DEPTOR: variants seen among roughly 807,000 people sequenced by gnomAD.
The protein encoded by DEPTOR is DEP domain-containing mTOR-interacting protein.
In DEPTOR, 41 loss-of-function variants were observed where a neutral mutation model predicts 41.6. The observed-to-expected ratio is 0.98, with a 90% CI of 0.77 to 1.28. The LOEUF is 1.28. DEPTOR is among the 50% of genes most tolerant of loss of function. DEPTOR has a pLI of 0.00. For synonymous variants in DEPTOR, 195 were observed against 192.3 expected, an observed-to-expected ratio of 1.01 and a Z score of -0.12; for missense variants, 514 against 527.9, an observed-to-expected ratio of 0.97 and a Z score of 0.26.
rs576760075 is a variant in DEPTOR, at chr8:119,999,393, A to G, written c.605-2132A>G. Among the ~76,000 whole-genome samples, 7 of 152,360 alleles carry G rather than the reference A, an allele frequency of 4.6e-5. No individual in the cohort carries two copies. The South Asian group carries it at 1.5e-3, about 32-fold the overall frequency. ...TAAGGTCATGCTGGGTTTATAGGACATGCTGTATGAGGGCTAGCTCTTGTT... is the reference window on the plus strand; with the variant it reads ...TAAGGTCATGCTGGGTTTATAGGACGTGCTGTATGAGGGCTAGCTCTTGTT... On this transcript the variant is annotated intron_variant, in intron 4 of 8. Coordinates refer to ENST00000286234, the MANE Select transcript of DEPTOR (RefSeq NM_022783.4).
Position 119,949,053 on chromosome 8 carries a change from T to A in DEPTOR, c.426-16179T>A, listed in dbSNP as rs527568342. Among the ~76,000 whole-genome samples the A allele has an allele frequency of 2.6e-5, 4 of 152,384 alleles. No homozygotes were observed. The South Asian group carries it at 8.3e-4, about 32-fold the overall frequency. On this transcript the variant is annotated intron_variant, in intron 3 of 8. Coordinates refer to ENST00000286234, the MANE Select transcript of DEPTOR (RefSeq NM_022783.4). ...CACCCGCCTTGGCCTCCCAAAGTGCTGGGATTACAGGCATGAGCCACCATG... is the reference window on the plus strand; with the variant it reads ...CACCCGCCTTGGCCTCCCAAAGTGCAGGGATTACAGGCATGAGCCACCATG...
In DEPTOR at chr8:119,929,885, C is replaced by A; in HGVS notation, c.372C>A (p.Phe124Leu). Reference protein sequence around the residue: ...FYRFRKDDGTFPLDNEVKAFM... With the variant: ...FYRFRKDDGTLPLDNEVKAFM... The stretch of plus-strand genomic sequence containing the variant: ...GCTTTAGAAAGGATGACGGCACCTT[C>A]CCATTGGATAATGAAGTGAAGGCCT... The change falls in exon 3 of 9, where the codon TTC becomes TTA. Residue 124 changes from phenylalanine (F) to leucine (L), a missense_variant. Transcript: ENST00000286234. 1 of 1,613,880 alleles carries A rather than the reference C, an allele frequency of 6.2e-7. No homozygotes were observed.
intron 8 of DEPTOR, among the ~76,000 whole-genome samples, chr8:120,039,384 G>A (rs1813024769): frequency 6.6e-6 from 1 of 152,158 alleles, no homozygotes; most frequent in Non-Finnish European, 1.5e-5. Context: ...AGACATGGAT[G>A]GACCCAATGG....
At chr8:119,894,018 T>TCTTTATTTTTTACTATTTTA (rs1827483198) in intron 1 of DEPTOR, among the ~76,000 whole-genome samples, 1 of 152,174 alleles carries the variant, frequency 6.6e-6, no homozygotes, top group Non-Finnish European at 1.5e-5. Flanking sequence ...ATCATTGCAA[T>TCTTTATTTTTTACTATTTTA]CTTTATTAAC....
intron 1 of DEPTOR, among the ~76,000 whole-genome samples, chr8:119,901,590 C>T (rs541709497): frequency 1.8e-4 from 27 of 151,326 alleles, no homozygotes; most frequent in Non-Finnish European, 3.1e-4. Flanking sequence ...GCAGGAGAAT[C>T]GCTTGAACCC....
rs531165338 is a variant in DEPTOR, at chr8:119,973,537, G to A, written c.604+8127G>A. On this transcript the variant is annotated intron_variant, in intron 4 of 8. Coordinates refer to ENST00000286234, the MANE Select transcript of DEPTOR (RefSeq NM_022783.4). ...AGGTGTGAGCCACTGCAAAGGGCCCGAACACACTTCTTTACTCACATAAGT... is the reference window on the plus strand; with the variant it reads ...AGGTGTGAGCCACTGCAAAGGGCCCAAACACACTTCTTTACTCACATAAGT... Among the ~76,000 whole-genome samples the A allele has an allele frequency of 5.3e-5, 8 of 152,252 alleles. No individual in the cohort carries two copies. In the East Asian group the frequency reaches 5.8e-4, roughly 11 times the overall value.
chr8:119,988,613 G>C (rs1828859221), intron 4 of DEPTOR, among the ~76,000 whole-genome samples: 1 of 152,160 alleles, frequency 6.6e-6, no homozygotes, highest in Admixed American at 6.5e-5. Context: ...CTCCCGAGTA[G>C]CTGGGATTAC....
intron 8 of DEPTOR, among the ~76,000 whole-genome samples, chr8:120,043,254 C>A (rs1053618953): frequency 2.6e-5 from 4 of 152,192 alleles, no homozygotes; most frequent in Non-Finnish European, 5.9e-5. Flanking sequence ...GCTGGGTTTA[C>A]AGGCATGAGC....
At chr8:119,874,109 C>T (rs1269104304) in intron 1 of DEPTOR, 141 bp downstream of exon 1, 5 of 1,375,114 alleles carry the variant, frequency 3.6e-6, no homozygotes, top group Admixed American at 2.4e-5. Context: ...GTGGATGGTC[C>T]TCGGTGCGCC....
intron 4 of DEPTOR, among the ~76,000 whole-genome samples, chr8:119,997,133 C>T (rs1161531846): frequency 1.3e-5 from 2 of 152,108 alleles, no homozygotes; most frequent in Non-Finnish European, 2.9e-5. Context: ...TTTTTTGAGA[C>T]AGAGTCTCAC....
chr8:119,920,599 GTT>G (rs1368416967), intron 1 of DEPTOR, among the ~76,000 whole-genome samples: 1 of 152,168 alleles, frequency 6.6e-6, no homozygotes, highest in Non-Finnish European at 1.5e-5. Context: ...CTGAAGAAGA[GTT>G]CAGAATATTC....
intron 8 of DEPTOR, among the ~76,000 whole-genome samples, chr8:120,034,008 A>G (rs953650665): frequency 3.3e-5 from 5 of 152,082 alleles, no homozygotes; most frequent in African/African-American, 1.2e-4. Context: ...TGGAGGCTGC[A>G]GTGAGCCGAG....
chr8:120,025,663 A>G (rs1812785508), intron 8 of DEPTOR, among the ~76,000 whole-genome samples: 2 of 152,152 alleles, frequency 1.3e-5, no homozygotes, highest in South Asian at 2.1e-4. Context: ...CCCTCCGATT[A>G]TAGATACTTC....
intron 1 of DEPTOR, among the ~76,000 whole-genome samples, chr8:119,908,205 G>A (rs1215772765): frequency 6.6e-6 from 1 of 152,042 alleles, no homozygotes; most frequent in African/African-American, 2.4e-5. Context: ...GCCAAGAGAG[G>A]GCATGGAAGC....
At chr8:120,014,232 A>T (rs1467046559) in intron 8 of DEPTOR, among the ~76,000 whole-genome samples, 2 of 152,200 alleles carry the variant, frequency 1.3e-5, no homozygotes, top group African/African-American at 4.8e-5. Flanking sequence ...TACATCAAGA[A>T]GTTGTTTCCT....
chr8:120,027,738 A>T (rs1313827265), intron 8 of DEPTOR, among the ~76,000 whole-genome samples: 3 of 151,928 alleles, frequency 2.0e-5, no homozygotes, highest in Non-Finnish European at 4.4e-5. Flanking sequence ...TAACTGTCTC[A>T]TGCCATGAAT....
chr8:119,894,721 T>C (rs1210175509), intron 1 of DEPTOR, among the ~76,000 whole-genome samples: 1 of 152,158 alleles, frequency 6.6e-6, no homozygotes, highest in African/African-American at 2.4e-5. Context: ...AAGTTAGTAA[T>C]TGAATTTACT....
At chr8:120,022,945 C>G (rs749541395) in intron 8 of DEPTOR, among the ~76,000 whole-genome samples, 1 of 152,168 alleles carries the variant, frequency 6.6e-6, no homozygotes, top group Non-Finnish European at 1.5e-5. Context: ...AAGATGTACT[C>G]TTGAATTTAT....
At chr8:119,936,148 C>T (rs1377177167) in intron 3 of DEPTOR, among the ~76,000 whole-genome samples, 2 of 152,020 alleles carry the variant, frequency 1.3e-5, no homozygotes. Context: ...CATTAGATGT[C>T]TATTGAATTC....
Sources: allele counts gnomAD v4.1 joint callset (sites outside exome capture counted in the v4.1 genomes callset), GRCh38; gene constraint gnomAD v4.1.1; transcripts MANE v1.5; gene names NCBI Gene and HGNC (gene_info 2026-07-23, HGNC 2026-07-21).